Variants in PDZD8 observed in about 807,000 individuals in gnomAD.
PDZD8 encodes the protein PDZ domain-containing protein 8.
PDZD8 carries 14 observed loss-of-function variants against 85.8 expected under a neutral mutation model. The ratio of observed to expected loss-of-function variants is 0.16; its 90% CI spans 0.11 to 0.26. The LOEUF (loss-of-function observed/expected upper bound fraction) is 0.26, where lower values mean the gene tolerates loss of function less well. Ranked by LOEUF, PDZD8 falls within the 10% of genes least tolerant of loss-of-function variation. The pLI is 1.00. For missense variants in PDZD8, 1,197 were observed against 1,424.3 expected (o/e 0.84, Z 2.57); for synonymous variants, 592 against 568.6 (o/e 1.04, Z -0.59).
At position 117,279,375 on chromosome 10, in the gene PDZD8, C is replaced by T. The variant is rs1457107661; in HGVS notation, c.*3893G>A. On this transcript the variant is annotated 3_prime_UTR_variant, in exon 5 of 5. Transcript: ENST00000334464. The stretch of plus-strand genomic sequence containing the variant: ...CAATGAATATTCAACTGTTTGACTG[C>T]TAAGTGTATCTGTCCATATTTTAGC... 4 of 152,094 alleles carry T rather than the reference C, an allele frequency of 2.6e-5. No individual in the cohort carries two copies. In the South Asian group the frequency reaches 6.2e-4, roughly 24 times the overall value. The allele number at this position is 152,094 out of a possible 1,614,324, so 9.4% of individuals were successfully genotyped here.
chr10:117,321,252 C>T (rs1179503667), intron 2 of PDZD8, among the ~76,000 whole-genome samples: 1 of 152,074 alleles, frequency 6.6e-6, no homozygotes, highest in Non-Finnish European at 1.5e-5. Flanking sequence ...AAATATCCAT[C>T]AAATGATGAG....
intron 1 of PDZD8, among the ~76,000 whole-genome samples, chr10:117,373,519 AG>A (rs1845229210): frequency 6.8e-6 from 1 of 146,156 alleles, no homozygotes; most frequent in African/African-American, 2.5e-5. Flanking sequence ...ACACTTTGGG[AG>A]GCCGAGGCAG....
At position 117,279,904 on chromosome 10, in the gene PDZD8, G is replaced by T. The variant is rs977396424; in HGVS notation, c.*3364C>A. ...ATTAGGGGAACCTCTCCTTCTTTTG[G>T]TAAGAAAAGCAATTATGTCAATTTA... On this transcript the variant is annotated 3_prime_UTR_variant, in exon 5 of 5. Transcript: ENST00000334464. 6.6e-6 allele frequency: 1 copy of T among 152,102 alleles called. No individual in the cohort carries two copies. The highest frequency in any genetic ancestry group is 1.5e-5 in the Non-Finnish European group (1 of 68,018). The allele number at this position is 152,102 out of a possible 1,614,324, so 9.4% of individuals were successfully genotyped here. A position where few individuals can be genotyped will look rare whatever the true frequency, so the allele number is the denominator to read the frequency against.
rs138899307 is a variant in PDZD8, at chr10:117,318,880, T to G, written c.1090A>C (p.Ile364Leu). 1.1e-3 allele frequency: 1,715 copies of G among 1,593,806 alleles called. 1 individual carries two copies. Among genetic ancestry groups the G allele is most frequent in the Admixed American group, 1.5e-3 (89 of 59,932 alleles). Residue 364 changes from isoleucine (I) to leucine (L), a missense_variant, in exon 3 of 5, where the codon ATT becomes CTT. Around this residue, in one of 4 missense-constraint regions of PDZD8, gnomAD observed 344 missense variants for 453.6 expected, o/e 0.76. Transcript: ENST00000334464. ...CTGTAAATCCATTTTACCGTCTTAATAGAACTCCTCTGTTTTTCTTCCCAA... is the reference window on the plus strand; with the variant it reads ...CTGTAAATCCATTTTACCGTCTTAAGAGAACTCCTCTGTTTTTCTTCCCAA... ...SVWEEKQRSSIKTVELIKGNL... is the reference protein window; with the variant it reads ...SVWEEKQRSSLKTVELIKGNL...
rs1325631442 is a variant in PDZD8, at chr10:117,316,746, T to C, written c.1098+2126A>G. On this transcript the variant is annotated intron_variant, in intron 3 of 4. Transcript: ENST00000334464. ...TAGATTTGTTTTCTTGTGGACTGGCTACATAAAAGCCATTCATAACTCCGT... is the reference window on the plus strand; with the variant it reads ...TAGATTTGTTTTCTTGTGGACTGGCCACATAAAAGCCATTCATAACTCCGT... Among the ~76,000 whole-genome samples the C allele has an allele frequency of 3.3e-5, 5 of 152,156 alleles. No homozygotes were observed. The East Asian group carries it at 9.6e-4, about 29-fold the overall frequency.
chr10:117,349,713 G>T lies in PDZD8; in HGVS notation c.873-8611C>A, dbSNP rs561253007. On this transcript the variant is annotated intron_variant, in intron 1 of 4. Transcript: ENST00000334464. The stretch of plus-strand genomic sequence containing the variant: ...AGCTACACTGGAGGCTGGGGCAGGA[G>T]GATCATTTGAGCCTGGGAGATCGAG... Among the ~76,000 whole-genome samples, 6 of 152,248 alleles carry T rather than the reference G, an allele frequency of 3.9e-5. No homozygotes were observed. The South Asian group carries it at 1.2e-3, about 32-fold the overall frequency.
intron 3 of PDZD8, among the ~76,000 whole-genome samples, chr10:117,314,720 A>C (rs530870916): frequency 3.8e-4 from 58 of 152,334 alleles, no homozygotes; most frequent in African/African-American, 1.4e-3. Context: ...CATGTACTTT[A>C]AACAAGGGCA....
chr10:117,329,636 G>A (rs929984384), intron 2 of PDZD8, among the ~76,000 whole-genome samples: 1 of 151,994 alleles, frequency 6.6e-6, no homozygotes, highest in African/African-American at 2.4e-5. Flanking sequence ...CTATAAGAAA[G>A]TCATTTCTAC....
chr10:117,372,031 AGTATT>A (rs1764478915), intron 1 of PDZD8, among the ~76,000 whole-genome samples: 1 of 152,360 alleles, frequency 6.6e-6, no homozygotes, highest in African/African-American at 2.4e-5. Flanking sequence ...GCTGAGTTCA[AGTATT>A]GTTCAGTACT....
chr10:117,325,298 T>C lies in PDZD8; in HGVS notation c.996-6324A>G, dbSNP rs566090196. Reference sequence around the variant, plus strand: ...ACCATAATCTATTAAGTACTATAGGTGACGTTTAATGGTGAGCCCTGGGTT... The same window carrying C: ...ACCATAATCTATTAAGTACTATAGGCGACGTTTAATGGTGAGCCCTGGGTT... On this transcript the variant is annotated intron_variant, in intron 2 of 4. Coordinates refer to ENST00000334464, the MANE Select transcript of PDZD8 (RefSeq NM_173791.5). Among the ~76,000 whole-genome samples, 120 of 151,994 alleles carry C rather than the reference T, an allele frequency of 7.9e-4. 1 individual carries two copies. The highest frequency in any genetic ancestry group is 1.3e-3 in the Non-Finnish European group (87 of 67,978).
intron 1 of PDZD8, among the ~76,000 whole-genome samples, chr10:117,373,612 A>G (rs1845233375): frequency 6.8e-6 from 1 of 147,082 alleles, no homozygotes; most frequent in South Asian, 2.1e-4. Flanking sequence ...TACAAAAAAA[A>G]AAAAAAAAAA....
chr10:117,365,797 T>C (rs1845078574), intron 1 of PDZD8, among the ~76,000 whole-genome samples: 1 of 152,146 alleles, frequency 6.6e-6, no homozygotes, highest in Admixed American at 6.5e-5. Context: ...TGTGCTCTGA[T>C]GCCATGCCAA....
At position 117,340,994 on chromosome 10, in the gene PDZD8, C is replaced by T. The variant is rs763869815; in HGVS notation, c.981G>A (p.Leu327=). 2 of 1,614,048 alleles carry T rather than the reference C, an allele frequency of 1.2e-6. No individual in the cohort carries two copies. Among genetic ancestry groups the T allele is most frequent in the Non-Finnish European group, 1.7e-6 (2 of 1,179,940 alleles). Residue 327 remains leucine (L), a synonymous_variant, in exon 2 of 5, where the codon TTG becomes TTA. Transcript: ENST00000334464. ...AAAGAACATACCTGCTACATTCTAA[C>T]AACGTAACTTTAAGACGGCCTTCAG... ...ALTEGRLKVT[L]LECSRLLIFG...
intron 1 of PDZD8, among the ~76,000 whole-genome samples, chr10:117,342,628 C>T (rs1267073292): frequency 6.6e-6 from 1 of 152,168 alleles, no homozygotes; most frequent in Non-Finnish European, 1.5e-5. Flanking sequence ...CAGGCATGCA[C>T]CACTATACCT....
chr10:117,349,112 T>C (rs184134203), intron 1 of PDZD8, among the ~76,000 whole-genome samples: 82 of 152,218 alleles, frequency 5.4e-4, no homozygotes, highest in African/African-American at 1.7e-3. Context: ...AAAGCAAGAC[T>C]GAAGAAAGTG....
Position 117,284,092 on chromosome 10 carries a change from G to T in PDZD8, c.2641C>A (p.Gln881Lys). The change falls in exon 5 of 5, where the codon CAA becomes AAA. Residue 881 changes from glutamine to lysine, a missense_variant. Gln to Lys is a moderately conservative substitution (Grantham distance 53). Transcript: ENST00000334464. ...GAAGTCTCAGCTAGACACTTTTCTT[G>T]ACATTTTTTATGGCAAACATAAGCA... ...FCAYVCHKKCQEKCLAETSVC... is the reference protein window; with the variant it reads ...FCAYVCHKKCKEKCLAETSVC... 1 of 1,614,134 alleles carries T rather than the reference G, an allele frequency of 6.2e-7. No individual in the cohort carries two copies. Among genetic ancestry groups the T allele is most frequent in the Non-Finnish European group, 8.5e-7 (1 of 1,180,028 alleles).
At chr10:117,333,438 A>G (rs902894599) in intron 2 of PDZD8, among the ~76,000 whole-genome samples, 2 of 152,220 alleles carry the variant, frequency 1.3e-5, no homozygotes, top group African/African-American at 4.8e-5. Flanking sequence ...AAAATGTCAA[A>G]ACATTAAAAT....
intron 4 of PDZD8, among the ~76,000 whole-genome samples, chr10:117,288,802 C>T (rs1844710001): frequency 6.6e-6 from 1 of 152,174 alleles, no homozygotes; most frequent in South Asian, 2.1e-4. Context: ...GCCACTGAGC[C>T]CGGCCTGTTG....
intron 2 of PDZD8, among the ~76,000 whole-genome samples, chr10:117,328,711 C>T (rs1844362403): frequency 6.6e-6 from 1 of 152,012 alleles, no homozygotes; most frequent in South Asian, 2.1e-4. Flanking sequence ...TCTACCTTAC[C>T]AAACCCACTG....
Sources: gnomAD v4.1 joint callset for allele counts (sites outside exome capture counted in the v4.1 genomes callset) on GRCh38, gnomAD v4.1.1 for gene constraint, gnomAD v4.1.1 regional missense constraint, MANE v1.5 for transcripts, NCBI Gene and HGNC (gene_info 2026-07-23, HGNC 2026-07-21) for gene names.